PCDH10: variants seen among roughly 807,000 people sequenced by gnomAD.
PCDH10 encodes the protein protocadherin-10.
Under a neutral mutation model 74.4 loss-of-function variants are expected in PCDH10, and 15 were observed. The observed-to-expected ratio is 0.20, with a 90% CI of 0.13 to 0.31. PCDH10 has a LOEUF of 0.31. Ranked by LOEUF, PCDH10 falls within the 10% of genes least tolerant of loss-of-function variation. The pLI is 1.00. For missense variants in PCDH10, 1,260 were observed against 1,390.2 expected, an observed-to-expected ratio of 0.91 and a Z score of 1.49; for synonymous variants, 619 against 589.8, an observed-to-expected ratio of 1.05 and a Z score of -0.72.
rs1382185609 is a variant in PCDH10 at position 133,192,508 on chromosome 4, A to T, written c.*2348A>T. On this transcript the variant is annotated 3_prime_UTR_variant, in exon 5 of 5. Coordinates refer to ENST00000264360, the MANE Select transcript of PCDH10 (RefSeq NM_032961.3). ...ATTTACCTCAAAGACATTTTCTTTA[A>T]TTATTTAACCTTTTATATCATTGTA... 6.6e-6 allele frequency: 1 copy of T among 151,572 alleles called. No homozygotes were observed. The highest frequency in any genetic ancestry group is 1.5e-5 in the Non-Finnish European group (1 of 67,610). 9.4% of individuals were successfully genotyped at this position (151,572 alleles called of 1,614,324 possible).
At chr4:133,199,787 CTATTATTAT>C (rs200419038) in intron 2 of PCDH10, among the ~76,000 whole-genome samples, 4 of 135,696 alleles carry the variant, frequency 2.9e-5, no homozygotes, top group Admixed American at 7.2e-5. Context: ...ATTATTATTA[CTATTATTAT>C]TATTATTATT....
chr4:133,172,554 C>A (rs899246810), intron 4 of PCDH10, among the ~76,000 whole-genome samples: 10 of 151,914 alleles, frequency 6.6e-5, no homozygotes, highest in African/African-American at 2.2e-4. Flanking sequence ...TGTCCAGTAG[C>A]CAAAATATTA....
At chr4:133,165,816 TAC>T (rs1727068464) in intron 4 of PCDH10, among the ~76,000 whole-genome samples, 2 of 151,668 alleles carry the variant, frequency 1.3e-5, no homozygotes, top group Admixed American at 6.6e-5. Flanking sequence ...TCAATGTCAG[TAC>T]AAATAACTTT....
At chr4:133,197,919 A>G (rs750971487), downstream of PCDH10, among the ~76,000 whole-genome samples, 2 of 151,940 alleles carry the variant, frequency 1.3e-5, no homozygotes, top group Non-Finnish European at 2.9e-5. Context: ...AATTAATAAT[A>G]GAGTGAATAG....
chr4:133,168,112 A>T (rs956616438), intron 4 of PCDH10, among the ~76,000 whole-genome samples: 2 of 151,446 alleles, frequency 1.3e-5, no homozygotes, highest in Non-Finnish European at 3.0e-5. Flanking sequence ...GCAGCAGTTG[A>T]TGGGAACTTC....
chr4:133,153,013 G>C (rs1560704747), intron 1 of PCDH10: 2 of 1,432,750 alleles, frequency 1.4e-6, no homozygotes, highest in South Asian at 3.2e-5. Flanking sequence ...TGCCACCTTG[G>C]AGCTCCCTCC....
At chr4:133,174,259 T>C (rs1727251164) in intron 4 of PCDH10, among the ~76,000 whole-genome samples, 1 of 151,948 alleles carries the variant, frequency 6.6e-6, no homozygotes, top group African/African-American at 2.4e-5. Context: ...CTTTGGAAGA[T>C]ATAGAAAGCA....
chr4:133,161,367 TCC>T (rs1379820265), intron 3 of PCDH10, among the ~76,000 whole-genome samples: 2 of 152,090 alleles, frequency 1.3e-5, no homozygotes, highest in Non-Finnish European at 2.9e-5. Flanking sequence ...TATTCTTAAC[TCC>T]AAAATACTAG....
intron 4 of PCDH10, among the ~76,000 whole-genome samples, chr4:133,189,149 TC>T (rs1158296774): frequency 1.3e-5 from 2 of 152,130 alleles, no homozygotes; most frequent in African/African-American, 4.8e-5. Context: ...CATGTTCTTA[TC>T]TTTGTTTAAA....
chr4:133,201,662 G>A lies in PCDH10; in HGVS notation n.438-6414G>A, dbSNP rs112816574. ...AACTGAGGTCGGAAGTTTGAGACCC[G>A]CCTGACCAACACAGAGAAACCCCGT... is the stretch of plus-strand genomic sequence containing the variant. On this transcript the variant is annotated intron_variant and non_coding_transcript_variant, in intron 2 of 2. Transcript: ENST00000511112. 9.4e-3 allele frequency among the ~76,000 whole-genome samples: 1,421 copies of A among 151,888 alleles called. 19 individuals are homozygous for A. The highest frequency in any genetic ancestry group is 0.032 in the African/African-American group (1,337 of 41,386).
At chr4:133,162,890 C>T (rs111496882) in intron 3 of PCDH10, 87 bp from the exon 4 acceptor site, 1 of 1,125,182 alleles carries the variant, frequency 8.9e-7, no homozygotes, top group Admixed American at 2.3e-5. Flanking sequence ...CACTTGTCAC[C>T]CTTTATGCTA....
At chr4:133,158,691 T>C (rs1726910460) in intron 3 of PCDH10, among the ~76,000 whole-genome samples, 1 of 152,174 alleles carries the variant, frequency 6.6e-6, no homozygotes, top group Admixed American at 6.5e-5. Flanking sequence ...ATTCTTGGTT[T>C]ATTATAAACA....
chr4:133,202,102 A>G (rs2125877933), intron 2 of PCDH10, among the ~76,000 whole-genome samples: 1 of 152,226 alleles, frequency 6.6e-6, no homozygotes. Context: ...GCAGTGGAAG[A>G]AACTCCCTAG....
chr4:133,161,741 A>T (rs898281870), intron 3 of PCDH10, among the ~76,000 whole-genome samples: 9 of 151,230 alleles, frequency 6.0e-5, no homozygotes, highest in African/African-American at 7.3e-5. Flanking sequence ...TTCTTTTTTT[A>T]AAATATTATT....
chr4:133,165,024 A>G lies in PCDH10; in HGVS notation c.3103+1742A>G, dbSNP rs192956370. On this transcript the variant is annotated intron_variant, in intron 4 of 4. Coordinates refer to ENST00000264360, the MANE Select transcript of PCDH10 (RefSeq NM_032961.3). ...CATATATTCATATATATGTGTATAT[A>G]TATGCACTAACACATTCCAACATAT... is the stretch of plus-strand genomic sequence containing the variant. Among the ~76,000 whole-genome samples, 597 of 147,974 alleles carry G rather than the reference A, an allele frequency of 4.0e-3. 3 individuals carry two copies. The highest frequency in any genetic ancestry group is 0.014 in the African/African-American group (558 of 40,802).
chr4:133,154,410 C>A, intron 2 of PCDH10, 45 bp downstream of exon 2: 1 of 1,120,888 alleles, frequency 8.9e-7, no homozygotes, highest in Admixed American at 2.3e-5. Context: ...AATTTACAAC[C>A]TAGTAAAAGT....
At chr4:133,170,003 A>G (rs1727170410) in intron 4 of PCDH10, among the ~76,000 whole-genome samples, 2 of 152,144 alleles carry the variant, frequency 1.3e-5, no homozygotes, top group South Asian at 4.1e-4. Context: ...GGAGTGTAAC[A>G]AAATATTTTA....
At chr4:133,162,932 A>T in intron 3 of PCDH10, 45 bp from the exon 4 acceptor site, 1 of 1,487,892 alleles carries the variant, frequency 6.7e-7, no homozygotes, top group Admixed American at 1.8e-5. Context: ...GTAACTGGTC[A>T]TGTTGGTGAA....
rs140770408 is a variant in PCDH10 at position 133,193,138 on chromosome 4, A to T, written c.*2978A>T. 6.6e-6 allele frequency: 1 copy of T among 151,780 alleles called. No homozygotes were observed. The highest frequency in any genetic ancestry group is 2.4e-5 in the African/African-American group (1 of 41,546). The allele number at this position is 151,780 out of a possible 1,614,324, so 9.4% of individuals were successfully genotyped here. ...TGTTTCAAAGGTATGTCAAAAGACAATTTTTAGAAAATATTTCATCCACAT... is the reference window on the plus strand; with the variant it reads ...TGTTTCAAAGGTATGTCAAAAGACATTTTTTAGAAAATATTTCATCCACAT... On this transcript the variant is annotated 3_prime_UTR_variant, in exon 5 of 5. Transcript: ENST00000264360.
Sources: gnomAD v4.1 joint callset for allele counts (sites outside exome capture counted in the v4.1 genomes callset) on GRCh38, gnomAD v4.1.1 for gene constraint, MANE v1.5 for transcripts, NCBI Gene and HGNC (gene_info 2026-07-23, HGNC 2026-07-21) for gene names.